Variants in DPF3 observed in about 807,000 individuals in gnomAD.
DPF3 encodes double PHD fingers 3.
DPF3 carries 18 observed loss-of-function variants against 56.8 expected under a neutral mutation model. The ratio of observed to expected loss-of-function variants is 0.32; its 90% confidence interval spans 0.22 to 0.47. The LOEUF (loss-of-function observed/expected upper bound fraction) is 0.47. Ranked by LOEUF, DPF3 falls within the 20% of genes least tolerant of loss-of-function variation. The pLI is 1.00. For synonymous variants in DPF3, 188 were observed against 180.2 expected (o/e 1.04, Z -0.35); for missense variants, 403 against 488.8 (o/e 0.82, Z 1.65).
chr14:72,821,764 G>A (rs1883554045), intron 1 of DPF3, among the ~76,000 whole-genome samples: 1 of 152,142 alleles, frequency 6.6e-6, no homozygotes, highest in African/African-American at 2.4e-5. Context: ...CCAGAGCTTT[G>A]GGAGACCAAG....
In DPF3 at chr14:72,614,115, C is replaced by G. The variant is rs144625399; in HGVS notation, c.*5182G>C. ...CCATCTGTCCCATTGTTTCCACACT[C>G]AGGGCTGGTGGCCGTGGCCTCTGGC... On this transcript the variant is annotated 3_prime_UTR_variant, in exon 11 of 11. Transcript: ENST00000556509. Among the ~76,000 whole-genome samples, 117 of 152,318 alleles carry G rather than the reference C, an allele frequency of 7.7e-4. No individual in the cohort carries two copies. The highest frequency in any genetic ancestry group is 2.6e-3 in the African/African-American group (109 of 41,556).
intron 1 of DPF3, among the ~76,000 whole-genome samples, chr14:72,849,671 C>T (rs1378989750): frequency 1.3e-5 from 2 of 152,178 alleles, no homozygotes; most frequent in Non-Finnish European, 2.9e-5. Context: ...CCTCCCCATT[C>T]CCTAGACTCA....
chr14:72,798,239 A>G (rs1292663701), intron 1 of DPF3, among the ~76,000 whole-genome samples: 1 of 124,096 alleles, frequency 8.1e-6, no homozygotes, highest in Non-Finnish European at 1.6e-5. Context: ...GGGAAGACAG[A>G]GCTAGCCTTC....
At chr14:72,873,471 G>A (rs1001721170) in intron 1 of DPF3, among the ~76,000 whole-genome samples, 5 of 152,184 alleles carry the variant, frequency 3.3e-5, no homozygotes, top group Non-Finnish European at 4.4e-5. Flanking sequence ...TCTCACTGTT[G>A]GTGGGACTGT....
At chr14:72,714,587 G>T in intron 5 of DPF3, 86 bp from the exon 6 acceptor site, 2 of 1,477,650 alleles carry the variant, frequency 1.4e-6, no homozygotes, top group Non-Finnish European at 1.9e-6. Context: ...TCCTTACACC[G>T]TCTTCATCCC....
At chr14:72,825,358 C>G (rs1336985866) in intron 1 of DPF3, among the ~76,000 whole-genome samples, 2 of 152,238 alleles carry the variant, frequency 1.3e-5, no homozygotes, top group Non-Finnish European at 2.9e-5. Flanking sequence ...AAGGAGCAAC[C>G]TGGTACTGGC....
At chr14:72,823,985 A>T (rs1160312508) in intron 1 of DPF3, among the ~76,000 whole-genome samples, 1 of 152,188 alleles carries the variant, frequency 6.6e-6, no homozygotes, top group Non-Finnish European at 1.5e-5. Flanking sequence ...GCTTTCTAGG[A>T]GAGGGGACCA....
chr14:72,789,045 T>A (rs740977), intron 1 of DPF3, among the ~76,000 whole-genome samples: 3 of 152,180 alleles, frequency 2.0e-5, no homozygotes, highest in Non-Finnish European at 4.4e-5. Context: ...CCAATAATGG[T>A]GTGGCTACTT....
At chr14:72,713,878 G>GAAGC (rs777455891) in intron 6 of DPF3, among the ~76,000 whole-genome samples, 1 of 152,158 alleles carries the variant, frequency 6.6e-6, no homozygotes, top group Non-Finnish European at 1.5e-5. Flanking sequence ...AGATGTTTCT[G>GAAGC]AAGCAAGCAA....
rs1567261271 is a variant in DPF3 at position 72,861,786 on chromosome 14, A to AGAAAGAAAGAAG, written c.32+32270_32+32271insCTTCTTTCTTTC. On this transcript the variant is annotated intron_variant, in intron 1 of 10. Transcript: ENST00000556509. ...AAGAAAGAAAGAAAGAAAGAAAGAA[A>AGAAAGAAAGAAG]GAAAGAAAGAAAGAAAGAAGGAAAG... 6.0e-5 allele frequency among the ~76,000 whole-genome samples: 9 copies of AGAAAGAAAGAAG among 151,088 alleles called. No homozygotes were observed. The East Asian group carries it at 1.2e-3, about 20-fold the overall frequency.
chr14:72,650,842 A>G (rs1279355405), intron 8 of DPF3, among the ~76,000 whole-genome samples: 1 of 152,146 alleles, frequency 6.6e-6, no homozygotes, highest in Non-Finnish European at 1.5e-5. Context: ...ACAAAACGCC[A>G]TCTCTCCTCC....
At chr14:72,806,030 C>T (rs1331482483) in intron 1 of DPF3, 3 of 152,156 alleles carry the variant, frequency 2.0e-5, no homozygotes, top group African/African-American at 7.2e-5. Context: ...AGCCTTGAAA[C>T]TCCTTGGCCT....
At chr14:72,680,399 G>A in intron 7 of DPF3, among the ~76,000 whole-genome samples, 1 of 152,250 alleles carries the variant, frequency 6.6e-6, no homozygotes, top group East Asian at 1.9e-4. Context: ...GACAAAGGAA[G>A]GCTTCATCCC....
chr14:72,649,587 C>T (rs894325525), intron 8 of DPF3, among the ~76,000 whole-genome samples: 24 of 139,788 alleles, frequency 1.7e-4, no homozygotes, highest in African/African-American at 6.2e-4. Context: ...CTTGCTTATT[C>T]AGGAGCTTAA....
At chr14:72,835,990 A>G in intron 1 of DPF3, 2 of 950,292 alleles carry the variant, frequency 2.1e-6, no homozygotes, top group Non-Finnish European at 2.5e-6. Context: ...GCCGGAGACC[A>G]CATTCCCAGA....
chr14:72,803,845 A>C (rs1247963927), intron 1 of DPF3, among the ~76,000 whole-genome samples: 2 of 152,248 alleles, frequency 1.3e-5, no homozygotes, highest in Non-Finnish European at 2.9e-5. Context: ...AACTCAAATA[A>C]GAAACACAAA....
chr14:72,699,455 G>A (rs1409840274), intron 6 of DPF3, among the ~76,000 whole-genome samples: 3 of 150,124 alleles, frequency 2.0e-5, no homozygotes, highest in Non-Finnish European at 3.0e-5. Flanking sequence ...CCAGGAGGTC[G>A]AGGGTGCAGT....
At chr14:72,873,813 T>C (rs1044761499) in intron 1 of DPF3, among the ~76,000 whole-genome samples, 3 of 151,288 alleles carry the variant, frequency 2.0e-5, no homozygotes, top group Non-Finnish European at 4.4e-5. Context: ...CTCAGCAAAC[T>C]ATCACAAGGA....
At chr14:72,862,208 C>A (rs1051228892) in intron 1 of DPF3, among the ~76,000 whole-genome samples, 1 of 152,150 alleles carries the variant, frequency 6.6e-6, no homozygotes, top group Non-Finnish European at 1.5e-5. Flanking sequence ...TTCCCTAACC[C>A]CCCCTGCATG....
Sources: allele counts gnomAD v4.1 joint callset (sites outside exome capture counted in the v4.1 genomes callset), GRCh38; gene constraint gnomAD v4.1.1; transcripts MANE v1.5; gene names NCBI Gene and HGNC (gene_info 2026-07-23, HGNC 2026-07-21).